TYW1B: variants seen among roughly 807,000 people sequenced by gnomAD.
The protein encoded by TYW1B is S-adenosyl-L-methionine-dependent tRNA 4-demethylwyosine synthase TYW1B.
TYW1B carries 73 observed loss-of-function variants against 86.9 expected under a neutral mutation model. That is an observed-to-expected ratio of 0.84 (90% CI 0.70 to 1.02). The LOEUF (loss-of-function observed/expected upper bound fraction) is 1.02, where lower values mean the gene tolerates loss of function less well. TYW1B is among the 50% of genes least tolerant of loss of function. The pLI is 0.00. For synonymous variants in TYW1B, 248 were observed against 292.8 expected (o/e 0.85, Z 1.56); for missense variants, 637 against 827.4 (o/e 0.77, Z 2.82).
intron 13 of TYW1B, among the ~76,000 whole-genome samples, chr7:72,582,537 T>C (rs1407210572): frequency 6.6e-6 from 1 of 152,208 alleles, no homozygotes; most frequent in Non-Finnish European, 1.5e-5. Flanking sequence ...ACTTTTTACA[T>C]GCCAGTTTCT....
chr7:72,715,608 G>C (rs1554455763), intron 9 of TYW1B, among the ~76,000 whole-genome samples: 1 of 151,974 alleles, frequency 6.6e-6, no homozygotes, highest in Admixed American at 6.6e-5. Context: ...GGTGGGAGAA[G>C]GGAGAGGATC....
intron 11 of TYW1B, among the ~76,000 whole-genome samples, chr7:72,656,970 A>T (rs1813219605): frequency 6.6e-6 from 1 of 152,206 alleles, no homozygotes; most frequent in South Asian, 2.1e-4. Context: ...TCACATTTCA[A>T]CATGAGATTT....
intron 13 of TYW1B, among the ~76,000 whole-genome samples, chr7:72,595,485 G>T (rs1442102033): frequency 1.3e-5 from 2 of 152,088 alleles, no homozygotes; most frequent in Non-Finnish European, 2.9e-5. Context: ...GGAGTTTGAG[G>T]CAAGTCTGGT....
intron 11 of TYW1B, among the ~76,000 whole-genome samples, chr7:72,633,471 G>C (rs1488902942): frequency 1.3e-5 from 2 of 152,214 alleles, no homozygotes; most frequent in East Asian, 1.9e-4. Flanking sequence ...CTGAAACTGT[G>C]AGATGAAACA....
In TYW1B at chr7:72,692,162, C is replaced by T. The variant is rs114678576; in HGVS notation, c.1506+2525G>A. On this transcript the variant is annotated intron_variant, in intron 11 of 13. Coordinates refer to ENST00000620995, the MANE Select transcript of TYW1B (RefSeq NM_001145440.3). ...TAGATGTTGCAGTGAGCCAAGATCA[C>T]GCCACCACACACCAGCCTAGGCAAC... 6.4e-3 allele frequency among the ~76,000 whole-genome samples: 835 copies of T among 130,504 alleles called. 11 individuals are homozygous for T. Among genetic ancestry groups the T allele is most frequent in the African/African-American group, 0.023 (782 of 34,268 alleles). 85.6% of individuals were successfully genotyped at this position (130,504 alleles called of 152,430 possible). A position where few individuals can be genotyped will look rare whatever the true frequency, so the allele number is the denominator to read the frequency against.
rs1216293029 is a variant in TYW1B, at chr7:72,632,408, T to C, written c.1507-3411A>G. Among the ~76,000 whole-genome samples the C allele has an allele frequency of 2.3e-3, 257 of 113,702 alleles. 10 individuals carry two copies. The highest frequency in any genetic ancestry group is 0.01 in the African/African-American group (249 of 24,588). The allele number at this position is 113,702 out of a possible 152,430, so 74.6% of individuals were successfully genotyped here. ...TATACGTATATATATATAATATATA[T>C]ATACATATATATATAAAATATATAT... On this transcript the variant is annotated intron_variant, in intron 11 of 13. Coordinates refer to ENST00000620995, the MANE Select transcript of TYW1B (RefSeq NM_001145440.3).
At chr7:72,587,449 G>A (rs1195998439) in intron 13 of TYW1B, among the ~76,000 whole-genome samples, 1 of 152,110 alleles carries the variant, frequency 6.6e-6, no homozygotes, top group Admixed American at 6.6e-5. Flanking sequence ...CTTGGTGGGT[G>A]GGGGGAAGCC....
intron 9 of TYW1B, among the ~76,000 whole-genome samples, chr7:72,714,696 T>C (rs557280847): frequency 1.3e-5 from 2 of 152,142 alleles, no homozygotes; most frequent in South Asian, 4.1e-4. Context: ...GGTGGGCAGA[T>C]CACTTGAGGT....
intron 13 of TYW1B, among the ~76,000 whole-genome samples, chr7:72,599,779 A>G (rs1811615180): frequency 6.6e-6 from 1 of 152,152 alleles, no homozygotes; most frequent in Admixed American, 6.5e-5. Context: ...CAAAACAATC[A>G]TGTTTACATT....
chr7:72,621,942 G>A (rs1318771559), intron 12 of TYW1B, among the ~76,000 whole-genome samples: 2 of 152,242 alleles, frequency 1.3e-5, no homozygotes, highest in Non-Finnish European at 1.5e-5. Flanking sequence ...CAATCATTTT[G>A]CAGGGTGCAT....
chr7:72,824,380 T>C (rs1422014949), intron 2 of TYW1B, among the ~76,000 whole-genome samples: 1 of 152,072 alleles, frequency 6.6e-6, no homozygotes, highest in Non-Finnish European at 1.5e-5. Flanking sequence ...TGGGTGAATA[T>C]CTTGAAGCCA....
At chr7:72,646,328 T>C (rs868977294) in intron 11 of TYW1B, among the ~76,000 whole-genome samples, 2 of 151,688 alleles carry the variant, frequency 1.3e-5, no homozygotes, top group Non-Finnish European at 2.9e-5. Context: ...TCCCAAAGTG[T>C]TGGGATTACA....
intron 13 of TYW1B, among the ~76,000 whole-genome samples, chr7:72,610,584 C>T (rs1892750): frequency 7.0e-4 from 106 of 152,086 alleles, no homozygotes; most frequent in South Asian, 3.3e-3. Context: ...GATTGCTAGA[C>T]CTGAGGGTGA....
chr7:72,673,032 C>G (rs34359017), intron 11 of TYW1B, among the ~76,000 whole-genome samples: 4 of 151,934 alleles, frequency 2.6e-5, no homozygotes, highest in South Asian at 2.1e-4. Context: ...AGCCGGGTGT[C>G]GCGGCGTGCA....
In TYW1B at chr7:72,606,690, ATG is replaced by A. The variant is rs1811808389; in HGVS notation, c.1785+9980_1785+9981del. On this transcript the variant is annotated intron_variant, in intron 13 of 13. Transcript: ENST00000620995. ...AGATGGCTCTCCCTTCTTCATCAGA[ATG>A]GTATAACAGGAGGCTGACGGGAGCC... 7.3e-5 allele frequency among the ~76,000 whole-genome samples: 11 copies of A among 151,628 alleles called. 1 individual carries two copies. In the South Asian group the frequency reaches 2.1e-3, roughly 29 times the overall value.
At chr7:72,733,664 G>A (rs1554460371) in intron 8 of TYW1B, among the ~76,000 whole-genome samples, 1 of 151,812 alleles carries the variant, frequency 6.6e-6, no homozygotes. Flanking sequence ...CCGTCTCAAA[G>A]AAATAAGAAA....
chr7:72,633,985 C>T (rs1422899364), intron 11 of TYW1B, among the ~76,000 whole-genome samples: 4 of 152,114 alleles, frequency 2.6e-5, no homozygotes, highest in Admixed American at 1.3e-4. Context: ...TTCATTCATG[C>T]TGTTGATGTA....
intron 2 of TYW1B, among the ~76,000 whole-genome samples, chr7:72,819,479 C>T (rs1162392421): frequency 1.3e-5 from 2 of 152,182 alleles, no homozygotes; most frequent in East Asian, 3.8e-4. Context: ...GTCGCCCAGG[C>T]TGAAGTGCAG....
At chr7:72,663,688 C>CG (rs1291744824) in intron 11 of TYW1B, among the ~76,000 whole-genome samples, 3 of 127,888 alleles carry the variant, frequency 2.3e-5, no homozygotes, top group Non-Finnish European at 4.7e-5. Context: ...GGCGTGAACC[C>CG]GGGGGGCGGA....
Sources: allele counts gnomAD v4.1 joint callset (sites outside exome capture counted in the v4.1 genomes callset), GRCh38; gene constraint gnomAD v4.1.1; transcripts MANE v1.5; gene names NCBI Gene and HGNC (gene_info 2026-07-23, HGNC 2026-07-21).